REELD1: variants seen among roughly 807,000 people sequenced by gnomAD.
REELD1 encodes the protein reelin domain-containing protein 1.
A neutral mutation model predicts 6.3 loss-of-function variants in REELD1; 12 were observed. That is an observed-to-expected ratio of 1.89 (90% confidence interval 1.21 to 3.07). The LOEUF (loss-of-function observed/expected upper bound fraction) is 3.07. Ranked by LOEUF, REELD1 falls within the 30% of genes most tolerant of loss-of-function variation. The probability of loss-of-function intolerance (pLI) is 0.00; values close to 1 mark genes in which losing one functional copy is unlikely to be tolerated. For missense variants in REELD1, 163 were observed against 86.8 expected, an observed-to-expected ratio of 1.88 and a Z score of -3.49; for synonymous variants, 57 against 33.6, an observed-to-expected ratio of 1.70 and a Z score of -2.42.
rs1730961902 is a variant in REELD1, at chr4:146,223,592, C to T, written c.432-853C>T. On this transcript the variant is annotated intron_variant, in intron 4 of 7. Transcript: ENST00000623665. ...ACCTCAATTCCTATTTTTGGATGTACCATCATAGTTGCTGCGTGCCACATA... is the reference window on the plus strand; with the variant it reads ...ACCTCAATTCCTATTTTTGGATGTATCATCATAGTTGCTGCGTGCCACATA... 2.0e-5 allele frequency among the ~76,000 whole-genome samples: 3 copies of T among 152,206 alleles called. No individual in the cohort carries two copies. In the South Asian group the frequency reaches 6.2e-4, roughly 31 times the overall value.
chr4:146,227,072 A>G (rs1246955713), intron 5 of REELD1, among the ~76,000 whole-genome samples: 1 of 152,172 alleles, frequency 6.6e-6, no homozygotes, highest in South Asian at 2.1e-4. Flanking sequence ...CGGCCTCTTT[A>G]TTAATTTAGG....
At position 146,220,151 on chromosome 4, in the gene REELD1, T is replaced by TGTTA. The variant is rs527887011; in HGVS notation, c.209-2204_209-2201dup. Among the ~76,000 whole-genome samples, 21 of 152,280 alleles carry TGTTA rather than the reference T, an allele frequency of 1.4e-4. No individual in the cohort carries two copies. In the Middle Eastern group the frequency reaches 0.01, roughly 74 times the overall value. The stretch of plus-strand genomic sequence containing the variant: ...TTTTAGTACAGATGGGGTTTCACTG[T>TGTTA]GTTAGCCAGGGTGGTCTCAATCTTC... On this transcript the variant is annotated intron_variant, in intron 3 of 7. Transcript: ENST00000623665.
chr4:146,215,793 C>G (rs1390926478), intron 2 of REELD1, among the ~76,000 whole-genome samples: 1 of 150,466 alleles, frequency 6.6e-6, no homozygotes, highest in African/African-American at 2.5e-5. Flanking sequence ...CTCTTTTGCC[C>G]AGGCTGGAGT....
intron 7 of REELD1, among the ~76,000 whole-genome samples, chr4:146,229,521 C>G (rs1453869534): frequency 6.6e-6 from 1 of 152,176 alleles, no homozygotes; most frequent in Non-Finnish European, 1.5e-5. Flanking sequence ...TTACATTTCT[C>G]AGAACCTACA....
chr4:146,216,913 G>T (rs1290211265), intron 2 of REELD1, 29 bp from the exon 3 acceptor site: 3 of 398,350 alleles, frequency 7.5e-6, no homozygotes, highest in South Asian at 2.6e-4. Flanking sequence ...ATAACGTCTG[G>T]ACTGAAGCTG....
intron 4 of REELD1, among the ~76,000 whole-genome samples, chr4:146,224,084 C>G (rs1730975459): frequency 6.6e-6 from 1 of 152,156 alleles, no homozygotes; most frequent in Non-Finnish European, 1.5e-5. Flanking sequence ...GACATAATAA[C>G]TATATCAGGA....
chr4:146,225,019 C>T (rs539867507), intron 5 of REELD1, among the ~76,000 whole-genome samples: 1 of 152,324 alleles, frequency 6.6e-6, no homozygotes, highest in Admixed American at 6.5e-5. Context: ...CGTCTTTTCT[C>T]ATAAAAACGC....
chr4:146,228,463 C>T lies in REELD1; in HGVS notation c.849C>T (p.Leu283=), dbSNP rs910477255. The change falls in exon 6 of 8, where the codon CTC becomes CTT. Residue 283 remains leucine, a synonymous_variant. Coordinates refer to ENST00000623665, the MANE Select transcript of REELD1 (RefSeq NM_001354631.1). ...PSLEVHRLER[L]VALKRVSSES... ...TGGAGGTCCACAGGCTGGAGAGGCT[C>T]GTGGCCCTCAAGAGAGTCTCCTCAG... 1.6e-5 allele frequency: 11 copies of T among 702,504 alleles called. No homozygotes were observed. The highest frequency in any genetic ancestry group is 2.7e-5 in the East Asian group (1 of 37,280). The allele number at this position is 702,504 out of a possible 1,614,324, so 43.5% of individuals were successfully genotyped here. A position where few individuals can be genotyped will look rare whatever the true frequency, so the allele number is the denominator to read the frequency against.
chr4:146,218,230 A>T (rs1730859559), intron 3 of REELD1, among the ~76,000 whole-genome samples: 1 of 152,202 alleles, frequency 6.6e-6, no homozygotes. Context: ...GGAACTTACC[A>T]GTTTCGGGTT....
chr4:146,230,572 A>G lies in REELD1; in HGVS notation c.*59A>G. ...CCTTGGGCCCTGGAGAGTGTCCCAG[A>G]CAGAGCAGAGATAATGAGAATAACT... is the stretch of plus-strand genomic sequence containing the variant. On this transcript the variant is annotated 3_prime_UTR_variant, in exon 8 of 8. Coordinates refer to ENST00000623665, the MANE Select transcript of REELD1 (RefSeq NM_001354631.1). The G allele has an allele frequency of 5.0e-6, 2 of 398,118 alleles. No individual in the cohort carries two copies. Among genetic ancestry groups the G allele is most frequent in the Admixed American group, 4.4e-5 (1 of 22,744 alleles). The allele number at this position is 398,118 out of a possible 1,614,324, so 24.7% of individuals were successfully genotyped here.
At chr4:146,229,165 A>G (rs1163836204) in intron 7 of REELD1, 77 bp downstream of exon 7, 20 of 682,994 alleles carry the variant, frequency 2.9e-5, no homozygotes, top group Non-Finnish European at 5.1e-5. Context: ...CTGGGAAATC[A>G]GAGCTATTAG....
chr4:146,221,730 G>A (rs903280130), intron 3 of REELD1, among the ~76,000 whole-genome samples: 9 of 152,012 alleles, frequency 5.9e-5, no homozygotes, highest in South Asian at 2.1e-4. Context: ...GTGGTGGTGC[G>A]TGCCTGTACT....
At chr4:146,218,222 A>G (rs1283693081) in intron 3 of REELD1, among the ~76,000 whole-genome samples, 1 of 152,202 alleles carries the variant, frequency 6.6e-6, no homozygotes, top group Non-Finnish European at 1.5e-5. Context: ...AGGGGCAGGG[A>G]ACTTACCAGT....
At chr4:146,228,123 G>A (rs914610820) in intron 5 of REELD1, 87 bp from the exon 6 acceptor site, 1 of 643,806 alleles carries the variant, frequency 1.6e-6, no homozygotes, top group Non-Finnish European at 2.8e-6. Context: ...AGTCACTGCT[G>A]TTTACCCCTG....
At chr4:146,216,037 C>T (rs934916883) in intron 2 of REELD1, among the ~76,000 whole-genome samples, 1 of 152,148 alleles carries the variant, frequency 6.6e-6, no homozygotes, top group Non-Finnish European at 1.5e-5. Flanking sequence ...AGGCGTGAGC[C>T]ACCGCACCTG....
rs1730985299 is a variant in REELD1, at chr4:146,224,517, T to C, written c.504T>C (p.His168=). 1 of 701,636 alleles carries C rather than the reference T, an allele frequency of 1.4e-6. No individual in the cohort carries two copies. Among genetic ancestry groups the C allele is most frequent in the Non-Finnish European group, 2.6e-6 (1 of 384,740 alleles). 43.5% of individuals were successfully genotyped at this position (701,636 alleles called of 1,614,324 possible). A position where few individuals can be genotyped will look rare whatever the true frequency, so the allele number is the denominator to read the frequency against. The change falls in exon 5 of 8, where the codon CAT becomes CAC. Residue 168 remains histidine, a synonymous_variant. Coordinates refer to ENST00000623665, the MANE Select transcript of REELD1 (RefSeq NM_001354631.1). ...IESSVVSQQT[H]SSAHSDDRME... ...CATCTGTTGTGTCTCAACAGACACA[T>C]AGCAGCGCCCATTCTGACGACCGCA...
chr4:146,230,413 CTG>C lies in REELD1; in HGVS notation c.1484_1485del (p.Val495AlafsTer26), dbSNP rs1363429463. 2 of 398,610 alleles carry C rather than the reference CTG, an allele frequency of 5.0e-6. No homozygotes were observed. Among genetic ancestry groups the C allele is most frequent in the Non-Finnish European group, 8.8e-6 (2 of 226,136 alleles). The allele number at this position is 398,610 out of a possible 1,614,324, so 24.7% of individuals were successfully genotyped here. ...GTTGCCAGGAGCAACAGTGGTGAGA[CTG>C]TGCACGTCAGGAAGATTGGGGAGAA... is the stretch of plus-strand genomic sequence containing the variant. On this transcript the variant is annotated frameshift_variant, in exon 8 of 8. Transcript: ENST00000623665. LOFTEE classifies it low-confidence loss of function (END_TRUNC).
Position 146,228,477 on chromosome 4 carries a change from G to T in REELD1, c.863G>T (p.Arg288Ile). ...HRLERLVALK[R>I]VSSESFASSL... The stretch of plus-strand genomic sequence containing the variant: ...CTGGAGAGGCTCGTGGCCCTCAAGA[G>T]AGTCTCCTCAGAGAGCTTTGCTTCC... The change falls in exon 6 of 8, where the codon AGA (arginine) becomes ATA (isoleucine). Residue 288 changes from arginine (R) to isoleucine (I), a missense_variant. By Grantham distance (97) the Arg-to-Ile change is moderately conservative. Transcript: ENST00000623665. 1 of 702,534 alleles carries T rather than the reference G, an allele frequency of 1.4e-6. No individual in the cohort carries two copies. The highest frequency in any genetic ancestry group is 1.5e-5 in the South Asian group (1 of 67,594). 43.5% of individuals were successfully genotyped at this position (702,534 alleles called of 1,614,324 possible).
At position 146,230,193 on chromosome 4, in the gene REELD1, AACCCACGG is replaced by A. The variant is rs1731103232; in HGVS notation, c.1262_1269del (p.Asn421ThrfsTer2). On this transcript the variant is annotated frameshift_variant, in exon 8 of 8. Coordinates refer to ENST00000623665, the MANE Select transcript of REELD1 (RefSeq NM_001354631.1). LOFTEE classifies it low-confidence loss of function (END_TRUNC). ...TGGAGTGGGATACCCTCGGCAGACCAACCCACGGCCTGACATTGGGCTAGAGGGAGCCC... is the reference window on the plus strand; with the variant it reads ...TGGAGTGGGATACCCTCGGCAGACCACCTGACATTGGGCTAGAGGGAGCCC... 5.0e-6 allele frequency: 2 copies of A among 398,818 alleles called. No individual in the cohort carries two copies. Among genetic ancestry groups the A allele is most frequent in the Non-Finnish European group, 8.8e-6 (2 of 226,202 alleles). The allele number at this position is 398,818 out of a possible 1,614,324, so 24.7% of individuals were successfully genotyped here. A position where few individuals can be genotyped will look rare whatever the true frequency, so the allele number is the denominator to read the frequency against.
Sources: allele counts gnomAD v4.1 joint callset (sites outside exome capture counted in the v4.1 genomes callset), GRCh38; gene constraint gnomAD v4.1.1; transcripts MANE v1.5; gene names NCBI Gene and HGNC (gene_info 2026-07-23, HGNC 2026-07-21).